INSC: variants seen among roughly 807,000 people sequenced by gnomAD.
INSC encodes the protein protein inscuteable homolog.
A neutral mutation model predicts 58.6 loss-of-function variants in INSC; 67 were observed. The observed-to-expected ratio is 1.14, with a 90% CI of 0.94 to 1.40. The LOEUF (loss-of-function observed/expected upper bound fraction) is 1.40, where lower values mean the gene tolerates loss of function less well. Among genes scored for constraint, INSC ranks in the 40% most tolerant of loss-of-function variants. INSC has a pLI of 0.00. For synonymous variants in INSC, 262 were observed against 276.1 expected (o/e 0.95, Z 0.51); for missense variants, 714 against 692.0 (o/e 1.03, Z -0.36).
At chr11:15,239,136 C>G (rs1354064381) in intron 11 of INSC, 62 bp downstream of exon 11, 17 of 1,547,826 alleles carry the variant, frequency 1.1e-5, no homozygotes, top group Non-Finnish European at 1.3e-5. Context: ...GGGAGCAGCT[C>G]TGATTTCACA....
At chr11:15,173,623 T>C (rs1225843244) in intron 2 of INSC, among the ~76,000 whole-genome samples, 1 of 152,174 alleles carries the variant, frequency 6.6e-6, no homozygotes, top group Non-Finnish European at 1.5e-5. Flanking sequence ...TACATATATG[T>C]ATGTGTTCAC....
At position 15,175,973 on chromosome 11, in the gene INSC, C is replaced by G; in HGVS notation, c.289C>G (p.Gln97Glu). ...ELRRIGQKLA[Q>E]DRWARVHSMS... ...GCGCAGGATCGGGCAGAAGCTGGCC[C>G]AGGACCGCTGGGCACGGGTGCACAG... The change falls in exon 3 of 13, where the codon CAG (glutamine) becomes GAG (glutamate). Residue 97 changes from glutamine (Q) to glutamate (E), a missense_variant. By Grantham distance (29) the Gln-to-Glu change is conservative. Transcript: ENST00000379556. 1.2e-6 allele frequency: 2 copies of G among 1,613,438 alleles called. No individual in the cohort carries two copies. Among genetic ancestry groups the G allele is most frequent in the Non-Finnish European group, 1.7e-6 (2 of 1,179,718 alleles).
upstream of INSC, among the ~76,000 whole-genome samples, chr11:15,114,555 C>A (rs1189411755): frequency 6.6e-5 from 10 of 152,268 alleles, no homozygotes; most frequent in Non-Finnish European, 1.2e-4. Flanking sequence ...TGTTGGCATG[C>A]GGGGCACCTT....
downstream of INSC, among the ~76,000 whole-genome samples, chr11:15,248,879 T>C (rs553511201): frequency 4.8e-4 from 73 of 152,274 alleles, 1 homozygote; most frequent in African/African-American, 1.8e-3. Context: ...AAGGAAGCTA[T>C]TGAGGGATGC....
At chr11:15,168,915 T>C (rs1378032510) in intron 2 of INSC, among the ~76,000 whole-genome samples, 1 of 152,182 alleles carries the variant, frequency 6.6e-6, no homozygotes, top group Non-Finnish European at 1.5e-5. Flanking sequence ...TTCACTTCTA[T>C]GTACATATGT....
intron 5 of INSC, 29 bp downstream of exon 5, chr11:15,178,476 G>T: frequency 2.5e-6 from 4 of 1,600,810 alleles, no homozygotes; most frequent in Non-Finnish European, 3.4e-6. Flanking sequence ...GCAGGGAGGG[G>T]TGCTTGTGTG....
intron 9 of INSC, among the ~76,000 whole-genome samples, chr11:15,227,350 A>T (rs1851680562): frequency 6.6e-6 from 1 of 152,184 alleles, no homozygotes; most frequent in African/African-American, 2.4e-5. Flanking sequence ...ATTAATTGGG[A>T]CATGAATGTC....
At chr11:15,263,651 G>T in the INSC span, among the ~76,000 whole-genome samples, 1 of 152,098 alleles carries the variant, frequency 6.6e-6, no homozygotes, top group Non-Finnish European at 1.5e-5. Context: ...CACAAATGTA[G>T]TATCTTACAG....
intron 5 of INSC, among the ~76,000 whole-genome samples, chr11:15,187,601 G>A (rs959268822): frequency 4.6e-5 from 7 of 152,164 alleles, no homozygotes; most frequent in African/African-American, 1.7e-4. Flanking sequence ...CAGATTGACA[G>A]ACAATGAAAA....
At chr11:15,117,268 G>A (rs1847754311) in intron 1 of INSC, among the ~76,000 whole-genome samples, 1 of 151,896 alleles carries the variant, frequency 6.6e-6, no homozygotes, top group Admixed American at 6.6e-5. Flanking sequence ...TAGTGTTTAT[G>A]GTTTAGTCTA....
intron 7 of INSC, among the ~76,000 whole-genome samples, chr11:15,207,592 A>G (rs1475857179): frequency 6.6e-6 from 1 of 152,102 alleles, no homozygotes; most frequent in Non-Finnish European, 1.5e-5. Context: ...AGGGAGGCCT[A>G]TATTGAGCTC....
At chr11:15,181,898 C>A (rs1849793059) in intron 5 of INSC, among the ~76,000 whole-genome samples, 1 of 152,072 alleles carries the variant, frequency 6.6e-6, no homozygotes, top group Non-Finnish European at 1.5e-5. Flanking sequence ...AAATTTCAAT[C>A]TTTTTACTTT....
intron 1 of INSC, among the ~76,000 whole-genome samples, chr11:15,122,511 T>G (rs1847897761): frequency 6.6e-6 from 1 of 152,162 alleles, no homozygotes; most frequent in African/African-American, 2.4e-5. Flanking sequence ...AAAACAGAAT[T>G]TCTGTAGTTC....
chr11:15,264,714 AC>A, the INSC span, among the ~76,000 whole-genome samples: 1 of 151,664 alleles, frequency 6.6e-6, no homozygotes, highest in Non-Finnish European at 1.5e-5. Flanking sequence ...GTTAGATTGG[AC>A]CCACCTGGAT....
intron 2 of INSC, among the ~76,000 whole-genome samples, chr11:15,174,120 G>C (rs1437731394): frequency 1.4e-5 from 2 of 144,878 alleles, no homozygotes; most frequent in African/African-American, 5.2e-5. Context: ...CTATTCCCAT[G>C]CTACTCTGGC....
chr11:15,201,802 G>A (rs1468270499), intron 7 of INSC, among the ~76,000 whole-genome samples: 1 of 152,128 alleles, frequency 6.6e-6, no homozygotes, highest in Admixed American at 6.5e-5. Flanking sequence ...ATTTGGGGTG[G>A]GATCTGAGTC....
At chr11:15,254,547 T>G in the INSC span, among the ~76,000 whole-genome samples, 1 of 152,174 alleles carries the variant, frequency 6.6e-6, no homozygotes, top group African/African-American at 2.4e-5. Context: ...GACACATACC[T>G]CCCTGTGCCT....
intron 7 of INSC, among the ~76,000 whole-genome samples, chr11:15,208,293 A>G (rs1457853663): frequency 1.3e-5 from 2 of 152,132 alleles, no homozygotes; most frequent in Non-Finnish European, 2.9e-5. Flanking sequence ...ACTAGCCTTC[A>G]ACTCCCATGG....
chr11:15,158,348 C>T (rs1848890761), intron 2 of INSC, among the ~76,000 whole-genome samples: 1 of 151,344 alleles, frequency 6.6e-6, no homozygotes, highest in African/African-American at 2.4e-5. Flanking sequence ...CTGGCCCCAC[C>T]CTCAGAGGCC....
Sources: allele counts gnomAD v4.1 joint callset (sites outside exome capture counted in the v4.1 genomes callset), GRCh38; gene constraint gnomAD v4.1.1; transcripts MANE v1.5; gene names NCBI Gene and HGNC (gene_info 2026-07-23, HGNC 2026-07-21).